PLG: variants seen among roughly 807,000 people sequenced by gnomAD.
PLG encodes plasminogen, also known as plasmin.
PLG carries 41 observed loss-of-function variants against 104.4 expected under a neutral mutation model. The observed-to-expected ratio is 0.39, with a 90% confidence interval of 0.31 to 0.51. The LOEUF is 0.51. Ranked by LOEUF, PLG falls within the 20% of genes least tolerant of loss-of-function variation. The pLI is 0.76. For synonymous variants in PLG, 337 were observed against 357.1 expected (o/e 0.94, Z 0.63); for missense variants, 891 against 1,003.6 (o/e 0.89, Z 1.52).
chr6:160,735,980 C>G lies in PLG; in HGVS notation c.1682-907C>G, dbSNP rs1778078688. 6.6e-6 allele frequency among the ~76,000 whole-genome samples: 1 copy of G among 152,186 alleles called. No individual in the cohort carries two copies. The highest frequency in any genetic ancestry group is 1.5e-5 in the Non-Finnish European group (1 of 68,040). The stretch of plus-strand genomic sequence containing the variant: ...TTGGAAAACCCAGGTTCCAGATTCA[C>G]TAGAGCATAGAATCTCTGGTTGGTT... On this transcript the variant is annotated intron_variant, in intron 13 of 18. Coordinates refer to ENST00000308192, the MANE Select transcript of PLG (RefSeq NM_000301.5). This position sits in a 1 kb window ranked among gnomAD's most constrained non-coding sequence, Gnocchi z 5.4.
intron 3 of PLG, among the ~76,000 whole-genome samples, 196 bp from the exon 4 acceptor site, chr6:160,710,881 A>G (rs975589136): frequency 1.3e-5 from 2 of 152,222 alleles, no homozygotes; most frequent in African/African-American, 4.8e-5. Context: ...GAGAGCTCAT[A>G]AGTAGCATTT....
chr6:160,752,619 C>A lies in PLG; in HGVS notation c.2272-281C>A, dbSNP rs942822880. ...AACTGCACACACTTTACACTGATGC[C>A]CAGGCTAGCCCAGTCTAAAGGAAAC... On this transcript the variant is annotated intron_variant, in intron 18 of 18. Coordinates refer to ENST00000308192, the MANE Select transcript of PLG (RefSeq NM_000301.5). This position sits in a 1 kb window ranked among gnomAD's most constrained non-coding sequence, Gnocchi z 4.7. Among the ~76,000 whole-genome samples, 2 of 152,068 alleles carry A rather than the reference C, an allele frequency of 1.3e-5. No homozygotes were observed. Among genetic ancestry groups the A allele is most frequent in the Non-Finnish European group, 2.9e-5 (2 of 68,008 alleles).
chr6:160,751,680 T>TCATAAG (rs1778403059), intron 17 of PLG, among the ~76,000 whole-genome samples: 1 of 152,052 alleles, frequency 6.6e-6, no homozygotes, highest in Admixed American at 6.6e-5. Flanking sequence ...GTTATGAAGA[T>TCATAAG]CATAGCATTA....
chr6:160,733,867 AAG>A, intron 12 of PLG, 126 bp from the exon 13 acceptor site: 22 of 499,360 alleles, frequency 4.4e-5, no homozygotes, highest in African/African-American at 1.7e-4. Context: ...AAAAAAAAAA[AAG>A]AAGGAAGGAA....
Position 160,716,693 on chromosome 6 carries a change from G to A in PLG, c.717G>A (p.Arg239=), listed in dbSNP as rs1166718485. 3.1e-6 allele frequency: 5 copies of A among 1,613,630 alleles called. No individual in the cohort carries two copies. The highest frequency in any genetic ancestry group is 3.4e-6 in the Non-Finnish European group (4 of 1,179,668). ...AGAATTACTGTCGTAACCCCGATAG[G>A]GAGCTGCGGCCTTGGTGTTTCACCA... ...LKKNYCRNPD[R]ELRPWCFTTD... is the part of the protein sequence containing the mutation. The change falls in exon 7 of 19, where the codon AGG becomes AGA. Residue 239 remains arginine, a synonymous_variant. Transcript: ENST00000308192.
Position 160,752,082 on chromosome 6 carries a change from C to T in PLG, c.2126-33C>T, listed in dbSNP as rs1332047143. 6.2e-7 allele frequency: 1 copy of T among 1,603,296 alleles called. No homozygotes were observed. Among genetic ancestry groups the T allele is most frequent in the Admixed American group, 1.7e-5 (1 of 60,018 alleles). On this transcript the variant is annotated intron_variant, in intron 17 of 18. Coordinates refer to ENST00000308192, the MANE Select transcript of PLG (RefSeq NM_000301.5). This position sits in a 1 kb window ranked among gnomAD's most constrained non-coding sequence, Gnocchi z 4.7. The stretch of plus-strand genomic sequence containing the variant: ...TATCCTCCTGAATGTGTTTTGGGTG[C>T]AGTTGCCATTTCTTTCATCTTTTTA...
Position 160,739,859 on chromosome 6 carries a change from T to C in PLG, c.2018+651T>C, listed in dbSNP as rs991161356. Among the ~76,000 whole-genome samples, 1 of 152,064 alleles carries C rather than the reference T, an allele frequency of 6.6e-6. No homozygotes were observed. Among genetic ancestry groups the C allele is most frequent in the African/African-American group, 2.4e-5 (1 of 41,372 alleles). ...TACAGTTTATAAATGTAAATTATAT[T>C]ATTATTATTGTCTTCTTTGATTTGA... On this transcript the variant is annotated intron_variant, in intron 16 of 18. Coordinates refer to ENST00000308192, the MANE Select transcript of PLG (RefSeq NM_000301.5). The surrounding 1 kb of genome is among the most constrained non-coding windows in gnomAD (Gnocchi z 4.4).
Position 160,734,216 on chromosome 6 carries a change from T to A in PLG, c.1681+128T>A, listed in dbSNP as rs545212872. The stretch of plus-strand genomic sequence containing the variant: ...CTGCCCTCTCCATCAGACCCCACTC[T>A]TCATCATGGGCATCTTGAATCTGCC... On this transcript the variant is annotated intron_variant, in intron 13 of 18. Coordinates refer to ENST00000308192, the MANE Select transcript of PLG (RefSeq NM_000301.5). The surrounding 1 kb of genome is among the most constrained non-coding windows in gnomAD (Gnocchi z 4.4). 1.6e-6 allele frequency: 1 copy of A among 635,718 alleles called. No individual in the cohort carries two copies. The highest frequency in any genetic ancestry group is 2.2e-5 in the Admixed American group (1 of 45,504). 39.4% of individuals were successfully genotyped at this position (635,718 alleles called of 1,614,324 possible).
chr6:160,718,738 C>T lies in PLG; in HGVS notation c.996C>T (p.Ala332=), dbSNP rs571406329. ...GCCGCAATCCTGACGGAAAAAGGGC[C>T]CCATGGTGCCATACAACCAACAGCC... ...NYCRNPDGKR[A]PWCHTTNSQV... Residue 332 remains alanine, a synonymous_variant, in exon 9 of 19, where the codon GCC becomes GCT. Transcript: ENST00000308192. The T allele has an allele frequency of 3.1e-6, 5 of 1,613,648 alleles. No individual in the cohort carries two copies. The South Asian group carries it at 4.4e-5, about 14-fold the overall frequency.
rs1219331933 is a variant in PLG, at chr6:160,735,497, C to T, written c.1682-1390C>T. Among the ~76,000 whole-genome samples, 1 of 152,188 alleles carries T rather than the reference C, an allele frequency of 6.6e-6. No homozygotes were observed. Among genetic ancestry groups the T allele is most frequent in the Non-Finnish European group, 1.5e-5 (1 of 68,034 alleles). On this transcript the variant is annotated intron_variant, in intron 13 of 18. Transcript: ENST00000308192. This position sits in a 1 kb window ranked among gnomAD's most constrained non-coding sequence, Gnocchi z 5.4. ...TGGGAACAAGATTTTTCCCAAAGGA[C>T]TGTGAGGTCCCCCACCTAACCTTGA...
At position 160,748,417 on chromosome 6, in the gene PLG, G is replaced by GAAAGAAAGAAAGAAAAAGAAAGGGAAA. The variant is rs1554252983; in HGVS notation, c.2126-3698_2126-3697insAAAGAAAGAAAGAAAAAGAAAGGGAAA. On this transcript the variant is annotated intron_variant, in intron 17 of 18. Transcript: ENST00000308192. Reference sequence around the variant, plus strand: ...GAAAGAAAGGAAGAAAGAAAGAAAGGGAAAGAAAGAGAACGAAAGAAAGAA... The same window carrying GAAAGAAAGAAAGAAAAAGAAAGGGAAA: ...GAAAGAAAGGAAGAAAGAAAGAAAGGAAAGAAAGAAAGAAAAAGAAAGGGAAAGAAAGAAAGAGAACGAAAGAAAGAA... 1.4e-4 allele frequency among the ~76,000 whole-genome samples: 9 copies of GAAAGAAAGAAAGAAAAAGAAAGGGAAA among 62,370 alleles called. 1 individual carries two copies. Among genetic ancestry groups the GAAAGAAAGAAAGAAAAAGAAAGGGAAA allele is most frequent in the African/African-American group, 5.8e-4 (9 of 15,552 alleles). 40.9% of individuals were successfully genotyped at this position (62,370 alleles called of 152,430 possible). A position where few individuals can be genotyped will look rare whatever the true frequency, so the allele number is the denominator to read the frequency against.
chr6:160,706,157 C>T, intron 1 of PLG: 1 of 540,208 alleles, frequency 1.9e-6, no homozygotes, highest in Non-Finnish European at 3.4e-6. Context: ...TTTTTCAGCC[C>T]TTGCCTTGCT....
In PLG at chr6:160,738,824, G is replaced by C. The variant is rs1406848456; in HGVS notation, c.1877+212G>C. On this transcript the variant is annotated intron_variant, in intron 15 of 18. Coordinates refer to ENST00000308192, the MANE Select transcript of PLG (RefSeq NM_000301.5). This position sits in a 1 kb window ranked among gnomAD's most constrained non-coding sequence, Gnocchi z 6.8. ...AGACACAGTACAGATGATTTTGTGGGCCTGAATAAACTGCAGAACAGAGCT... is the reference window on the plus strand; with the variant it reads ...AGACACAGTACAGATGATTTTGTGGCCCTGAATAAACTGCAGAACAGAGCT... 6.6e-6 allele frequency among the ~76,000 whole-genome samples: 1 copy of C among 152,074 alleles called. No individual in the cohort carries two copies. The highest frequency in any genetic ancestry group is 1.5e-5 in the Non-Finnish European group (1 of 68,008).
chr6:160,729,409 G>A (rs758309287), intron 10 of PLG, among the ~76,000 whole-genome samples: 1 of 152,028 alleles, frequency 6.6e-6, no homozygotes, highest in Non-Finnish European at 1.5e-5. Context: ...GAAAACAGAA[G>A]TCCACAAAGA....
At position 160,719,602 on chromosome 6, in the gene PLG, CT is replaced by C. The variant is rs1777797312; in HGVS notation, c.1096+769del. On this transcript the variant is annotated intron_variant, in intron 9 of 18. Transcript: ENST00000308192. The surrounding 1 kb of genome is among the most constrained non-coding windows in gnomAD (Gnocchi z 4.1). ...ATTTAAACTTTGTTCCTTTTTTCATCTTTTTCTGCCTTCATTTAGATTGAGT... is the reference window on the plus strand; with the variant it reads ...ATTTAAACTTTGTTCCTTTTTTCATCTTTTCTGCCTTCATTTAGATTGAGT... Among the ~76,000 whole-genome samples, 1 of 152,080 alleles carries C rather than the reference CT, an allele frequency of 6.6e-6. No homozygotes were observed. Among genetic ancestry groups the C allele is most frequent in the Non-Finnish European group, 1.5e-5 (1 of 67,994 alleles).
In PLG at chr6:160,731,747, T is replaced by G; in HGVS notation, c.1441T>G (p.Cys481Gly). Residue 481 changes from cysteine to glycine, a missense_variant and splice_region_variant, in exon 12 of 19, where the codon TGT becomes GGT. Physicochemically the swap from Cys to Gly is radical, Grantham distance 159 (BLOSUM62 -3). This residue lies in a region of PLG where 854 missense variants were observed against 932.1 expected (regional missense o/e 0.92). Transcript: ENST00000308192. The surrounding 1 kb of genome is among the most constrained non-coding windows in gnomAD (Gnocchi z 5.1). ...PDVETPSEED[C>G]MFGNGKGYRG... ...TCATCCATTTTTTCCCTGTACAGAC[T>G]GTATGTTTGGGAATGGGAAAGGATA... 2 of 1,613,742 alleles carry G rather than the reference T, an allele frequency of 1.2e-6. No homozygotes were observed. Among genetic ancestry groups the G allele is most frequent in the Non-Finnish European group, 1.7e-6 (2 of 1,179,768 alleles).
chr6:160,711,228 G>T, intron 4 of PLG, 37 bp downstream of exon 4: 1 of 1,597,482 alleles, frequency 6.3e-7, no homozygotes, highest in Non-Finnish European at 8.6e-7. Context: ...TTCATCTACT[G>T]TAAAGTTGTC....
At chr6:160,748,606 A>G (rs1778339402) in intron 17 of PLG, among the ~76,000 whole-genome samples, 1 of 152,158 alleles carries the variant, frequency 6.6e-6, no homozygotes, top group Admixed American at 6.5e-5. Flanking sequence ...CCATCATGGC[A>G]GCTCCTGATA....
In PLG at chr6:160,739,560, A is replaced by G. The variant is rs909620253; in HGVS notation, c.2018+352A>G. Among the ~76,000 whole-genome samples, 1 of 152,218 alleles carries G rather than the reference A, an allele frequency of 6.6e-6. No homozygotes were observed. The highest frequency in any genetic ancestry group is 2.4e-5 in the African/African-American group (1 of 41,456). On this transcript the variant is annotated intron_variant, in intron 16 of 18. Transcript: ENST00000308192. The surrounding 1 kb of genome is among the most constrained non-coding windows in gnomAD (Gnocchi z 4.4). ...CCCCCTTCATCATAATATGTTTAAG[A>G]GAATCATATAAGACTATATTTGTTT...
Sources: allele counts gnomAD v4.1 joint callset (sites outside exome capture counted in the v4.1 genomes callset), GRCh38; gene constraint gnomAD v4.1.1; regional missense constraint gnomAD v4.1.1; non-coding constraint Gnocchi (gnomAD v3.1); transcripts MANE v1.5; gene names NCBI Gene and HGNC (gene_info 2026-07-23, HGNC 2026-07-21).